Variants in TMTC3 observed in about 807,000 individuals in gnomAD.
TMTC3 encodes transmembrane O-mannosyltransferase targeting cadherins 3.
In TMTC3, 52 loss-of-function variants were observed where a neutral mutation model predicts 92.2. The observed-to-expected ratio is 0.56, with a 90% confidence interval of 0.45 to 0.71. TMTC3 has a LOEUF of 0.71. TMTC3 is among the 30% of genes least tolerant of loss of function. The probability of loss-of-function intolerance (pLI) is 0.00; values close to 1 mark genes in which losing one functional copy is unlikely to be tolerated. For synonymous variants in TMTC3, 339 were observed against 363.3 expected, an observed-to-expected ratio of 0.93 and a Z score of 0.76; for missense variants, 896 against 1,057.1, an observed-to-expected ratio of 0.85 and a Z score of 2.11.
At chr12:88,154,182 T>C in intron 3 of TMTC3, 106 bp from the exon 4 acceptor site, 1 of 765,152 alleles carries the variant, frequency 1.3e-6, no homozygotes, top group Non-Finnish European at 2.0e-6. Context: ...AAGAAACAAA[T>C]GTGCACTTGA....
At chr12:88,144,097 G>T (rs1199906726) in intron 1 of TMTC3, among the ~76,000 whole-genome samples, 1 of 152,168 alleles carries the variant, frequency 6.6e-6, no homozygotes, top group African/African-American at 2.4e-5. Flanking sequence ...GATTTGGTGG[G>T]ATTTGGCTGG....
At position 88,198,673 on chromosome 12, in the gene TMTC3, TCATTA is replaced by T; in HGVS notation, c.*3028_*3032del. On this transcript the variant is annotated 3_prime_UTR_variant, in exon 14 of 14. Transcript: ENST00000266712. ...AGTTCTAATAAAACCTCATGCCTTTTCATTACATCTAATTTGAACTCTCAACTTCA... is the reference window on the plus strand; with the variant it reads ...AGTTCTAATAAAACCTCATGCCTTTTCATCTAATTTGAACTCTCAACTTCA... 1 of 346,206 alleles carries T rather than the reference TCATTA, an allele frequency of 2.9e-6. No homozygotes were observed. Among genetic ancestry groups the T allele is most frequent in the Non-Finnish European group, 5.2e-6 (1 of 193,774 alleles). The allele number at this position is 346,206 out of a possible 1,614,324, so 21.4% of individuals were successfully genotyped here.
At chr12:88,176,630 C>T (rs1309261022) in intron 10 of TMTC3, among the ~76,000 whole-genome samples, 1 of 151,968 alleles carries the variant, frequency 6.6e-6, no homozygotes, top group African/African-American at 2.4e-5. Context: ...AAAAAATTAG[C>T]CAGGCATGGT....
intron 12 of TMTC3, 72 bp downstream of exon 12, chr12:88,190,694 T>C: frequency 2.7e-6 from 4 of 1,462,920 alleles, no homozygotes; most frequent in Non-Finnish European, 3.7e-6. Context: ...TTTGAATGAA[T>C]TGGTTTTTTT....
chr12:88,144,636 G>A (rs2040850297), intron 1 of TMTC3, among the ~76,000 whole-genome samples: 1 of 152,100 alleles, frequency 6.6e-6, no homozygotes, highest in African/African-American at 2.4e-5. Flanking sequence ...AGATCTCAGT[G>A]ACAATTGTAA....
intron 6 of TMTC3, 50 bp from the exon 7 acceptor site, chr12:88,166,280 C>A: frequency 2.0e-6 from 3 of 1,526,550 alleles, no homozygotes; most frequent in Middle Eastern, 3.5e-4. Flanking sequence ...GTAAATAATT[C>A]TGTACTTTAA....
chr12:88,164,725 A>T (rs528773705), intron 6 of TMTC3, among the ~76,000 whole-genome samples: 1 of 152,330 alleles, frequency 6.6e-6, no homozygotes, highest in South Asian at 2.1e-4. Flanking sequence ...TTTATTTTTA[A>T]CAAAAGGCCA....
At chr12:88,151,004 C>G (rs1191346835) in intron 2 of TMTC3, among the ~76,000 whole-genome samples, 1 of 152,034 alleles carries the variant, frequency 6.6e-6, no homozygotes, top group Non-Finnish European at 1.5e-5. Context: ...GGATCTCAAC[C>G]CTGACTGCCG....
chr12:88,143,894 A>G (rs2040831486), intron 1 of TMTC3, among the ~76,000 whole-genome samples: 2 of 152,172 alleles, frequency 1.3e-5, no homozygotes, highest in Non-Finnish European at 2.9e-5. Context: ...TTTTCTGGGA[A>G]GAGGGTAGGC....
At position 88,199,375 on chromosome 12, in the gene TMTC3, T is replaced by A. The variant is rs1449273263; in HGVS notation, c.*3726T>A. 1 of 149,476 alleles carries A rather than the reference T, an allele frequency of 6.7e-6. No individual in the cohort carries two copies. Among genetic ancestry groups the A allele is most frequent in the East Asian group, 1.9e-4 (1 of 5,186 alleles). 9.3% of individuals were successfully genotyped at this position (149,476 alleles called of 1,614,324 possible). On this transcript the variant is annotated 3_prime_UTR_variant, in exon 14 of 14. Transcript: ENST00000266712. Reference sequence around the variant, plus strand: ...TGTGAAGAGGATTTATATATTTATATGATATATTGTATATATTAATATATT... The same window carrying A: ...TGTGAAGAGGATTTATATATTTATAAGATATATTGTATATATTAATATATT...
intron 7 of TMTC3, among the ~76,000 whole-genome samples, chr12:88,171,818 A>C (rs1398362340): frequency 6.6e-6 from 1 of 152,062 alleles, no homozygotes; most frequent in Non-Finnish European, 1.5e-5. Flanking sequence ...TTTACATCCC[A>C]CCAACAGTGT....
chr12:88,182,043 G>C (rs543829199), intron 10 of TMTC3, among the ~76,000 whole-genome samples: 4 of 152,312 alleles, frequency 2.6e-5, no homozygotes, highest in African/African-American at 7.2e-5. Context: ...ATATTGCTTC[G>C]AGTTGCTTTT....
Position 88,195,675 on chromosome 12 carries a change from A to T in TMTC3, c.*26A>T, listed in dbSNP as rs2041504272. 3 of 1,534,720 alleles carry T rather than the reference A, an allele frequency of 2.0e-6. No homozygotes were observed. Among genetic ancestry groups the T allele is most frequent in the Middle Eastern group, 2.0e-4 (1 of 5,104 alleles). ...CATTAATATTTATCGTGACAATGGT[A>T]TCAAAGAACATCAATCCGTATCATG... is the stretch of plus-strand genomic sequence containing the variant. On this transcript the variant is annotated 3_prime_UTR_variant, in exon 14 of 14. Coordinates refer to ENST00000266712, the MANE Select transcript of TMTC3 (RefSeq NM_181783.4).
chr12:88,185,391 T>C (rs1235431305), intron 10 of TMTC3, among the ~76,000 whole-genome samples: 1 of 152,098 alleles, frequency 6.6e-6, no homozygotes, highest in Non-Finnish European at 1.5e-5. Flanking sequence ...TTGATACTCA[T>C]TCATGTTGTT....
chr12:88,174,405 T>G (rs1056597205), intron 8 of TMTC3, among the ~76,000 whole-genome samples: 3 of 152,120 alleles, frequency 2.0e-5, no homozygotes, highest in Admixed American at 1.3e-4. Flanking sequence ...ATAATGTAAT[T>G]GACTGGAAGG....
chr12:88,184,202 G>A (rs1392905026), intron 10 of TMTC3, among the ~76,000 whole-genome samples: 1 of 152,072 alleles, frequency 6.6e-6, no homozygotes, highest in African/African-American at 2.4e-5. Flanking sequence ...AGCCCTGCTA[G>A]CATTTATTTA....
chr12:88,191,077 T>G (rs1416616777), intron 12 of TMTC3, among the ~76,000 whole-genome samples: 1 of 152,176 alleles, frequency 6.6e-6, no homozygotes, highest in Non-Finnish European at 1.5e-5. Context: ...TGGCACCACA[T>G]GTTAAAACTT....
In TMTC3 at chr12:88,145,704, G is replaced by A. The variant is rs2040864863; in HGVS notation, c.-28-2584G>A. ...GAGCAGAGAGGGAAATAGATATTAT[G>A]TATTCACGTGGGGTGGTAAATCAGC... On this transcript the variant is annotated intron_variant, in intron 1 of 13. Coordinates refer to ENST00000266712, the MANE Select transcript of TMTC3 (RefSeq NM_181783.4). Among the ~76,000 whole-genome samples the A allele has an allele frequency of 2.0e-5, 3 of 152,162 alleles. No homozygotes were observed. The South Asian group carries it at 6.2e-4, about 32-fold the overall frequency.
intron 6 of TMTC3, among the ~76,000 whole-genome samples, chr12:88,161,166 T>C (rs564831464): frequency 6.6e-6 from 1 of 152,110 alleles, no homozygotes; most frequent in South Asian, 2.1e-4. Context: ...CTGAGAGATG[T>C]TGAAATCTCT....
Sources: gnomAD v4.1 joint callset for allele counts (sites outside exome capture counted in the v4.1 genomes callset) on GRCh38, gnomAD v4.1.1 for gene constraint, MANE v1.5 for transcripts, NCBI Gene and HGNC (gene_info 2026-07-23, HGNC 2026-07-21) for gene names.